MGAT4C: variants seen among roughly 807,000 people sequenced by gnomAD.
MGAT4C encodes the protein MGAT4 family member C, also known as alpha-1,3-mannosyl-glycoprotein 4-beta-N-acetylglucosaminyltransferase C.
A neutral mutation model predicts 40.1 loss-of-function variants in MGAT4C; 19 were observed. That is an observed-to-expected ratio of 0.47 (90% CI 0.33 to 0.70). The LOEUF (loss-of-function observed/expected upper bound fraction) is 0.70. MGAT4C is among the 30% of genes least tolerant of loss of function. The pLI, the probability that MGAT4C is intolerant of heterozygous loss-of-function variation, is 0.02. For synonymous variants in MGAT4C, 181 were observed against 187.1 expected (o/e 0.97, Z 0.27); for missense variants, 491 against 563.2 (o/e 0.87, Z 1.30).
intron 1 of MGAT4C, among the ~76,000 whole-genome samples, chr12:86,113,983 C>T (rs1877910448): frequency 6.6e-6 from 1 of 151,872 alleles, no homozygotes; most frequent in Non-Finnish European, 1.5e-5. Flanking sequence ...CCAAAGCATG[C>T]TGTCACCTCT....
rs140843038 is a variant in MGAT4C at position 86,590,910 on chromosome 12, C to T, written c.-229+136299G>A. On this transcript the variant is annotated intron_variant, in intron 2 of 7. Transcript: ENST00000548651. ...CAAATGATTTATTCCTGAAATGCAT[C>T]AAGAAGGCCTATTTTCAGCACTTGG... 4.6e-3 allele frequency among the ~76,000 whole-genome samples: 705 copies of T among 152,010 alleles called. 3 individuals carry two copies. The highest frequency in any genetic ancestry group is 8.0e-3 in the Non-Finnish European group (542 of 67,918).
intron 4 of MGAT4C, among the ~76,000 whole-genome samples, chr12:86,304,849 C>T (rs1300409597): frequency 6.6e-6 from 1 of 150,484 alleles, no homozygotes; most frequent in Non-Finnish European, 1.5e-5. Context: ...ATGATATTAC[C>T]AAATGGCAGC....
At chr12:86,581,044 T>C (rs1258437050) in intron 2 of MGAT4C, among the ~76,000 whole-genome samples, 4 of 151,286 alleles carry the variant, frequency 2.6e-5, no homozygotes, top group East Asian at 1.9e-4. Flanking sequence ...TTTTCAGAGG[T>C]TGGGTATCTA....
intron 2 of MGAT4C, among the ~76,000 whole-genome samples, chr12:86,591,674 C>T (rs753507249): frequency 2.6e-5 from 4 of 151,510 alleles, no homozygotes; most frequent in Non-Finnish European, 5.9e-5. Flanking sequence ...AATATTTATA[C>T]CTTTAGTTCA....
intron 2 of MGAT4C, among the ~76,000 whole-genome samples, chr12:86,603,028 G>A (rs754986004): frequency 2.6e-5 from 4 of 151,418 alleles, no homozygotes; most frequent in Admixed American, 6.6e-5. Context: ...ACAAAATATG[G>A]CACAATGTCA....
At chr12:85,988,543 C>T (rs1885510664) in intron 3 of MGAT4C, among the ~76,000 whole-genome samples, 1 of 151,750 alleles carries the variant, frequency 6.6e-6, no homozygotes. Context: ...AAACTGTAAT[C>T]AGGTTTTGAT....
intron 4 of MGAT4C, among the ~76,000 whole-genome samples, chr12:86,306,920 A>T (rs1953947000): frequency 6.6e-6 from 1 of 150,730 alleles, no homozygotes; most frequent in Admixed American, 6.6e-5. Flanking sequence ...GTATAAGGGT[A>T]TTATGAAATT....
rs541786064 is a variant in MGAT4C, at chr12:86,793,586, A to G, written c.-262+45080T>C. Among the ~76,000 whole-genome samples, 63 of 152,224 alleles carry G rather than the reference A, an allele frequency of 4.1e-4. No individual in the cohort carries two copies. In the South Asian group the frequency reaches 0.012, roughly 29 times the overall value. On this transcript the variant is annotated intron_variant, in intron 1 of 7. Coordinates refer to the MGAT4C transcript ENST00000548651. ...ATAAAATAGAGTTACAATTACACAC[A>G]TATACTCTCACGCTCATTTGTTTCC...
At chr12:86,524,225 A>G (rs1958842404) in intron 2 of MGAT4C, among the ~76,000 whole-genome samples, 1 of 152,106 alleles carries the variant, frequency 6.6e-6, no homozygotes. Context: ...AGTGGCTGAT[A>G]ATGTTCTTTC....
chr12:86,514,101 CACACACACA>C lies in MGAT4C; in HGVS notation c.-228-78845_-228-78837del, dbSNP rs1381714021. 3.0e-3 allele frequency among the ~76,000 whole-genome samples: 448 copies of C among 150,672 alleles called. 1 individual carries two copies. The highest frequency in any genetic ancestry group is 6.8e-3 in the Middle Eastern group (2 of 294). ...ACACACACACACACACACACACACA[CACACACACA>C]ACCCCGGCTTAGTAGAGATTTGGAG... On this transcript the variant is annotated intron_variant, in intron 2 of 7. Transcript: ENST00000548651.
intron 3 of MGAT4C, among the ~76,000 whole-genome samples, chr12:86,353,310 C>A (rs1298710517): frequency 6.6e-6 from 1 of 152,012 alleles, no homozygotes; most frequent in Non-Finnish European, 1.5e-5. Context: ...AAAATTAAAA[C>A]CCTGGGTATA....
chr12:86,509,209 C>A lies in MGAT4C; in HGVS notation c.-228-73944G>T, dbSNP rs188643079. On this transcript the variant is annotated intron_variant, in intron 2 of 7. Transcript: ENST00000548651. ...ATGGTTTGAGGTCTAACGTTTAAGTCTTTAATCCATCTTGAATTGATTTTT... is the reference window on the plus strand; with the variant it reads ...ATGGTTTGAGGTCTAACGTTTAAGTATTTAATCCATCTTGAATTGATTTTT... Among the ~76,000 whole-genome samples the A allele has an allele frequency of 5.3e-5, 8 of 152,244 alleles. No homozygotes were observed. The East Asian group carries it at 1.5e-3, about 29-fold the overall frequency.
intron 4 of MGAT4C, among the ~76,000 whole-genome samples, chr12:86,317,030 G>A (rs1326191838): frequency 2.0e-5 from 3 of 151,226 alleles, no homozygotes; most frequent in Non-Finnish European, 4.4e-5. Flanking sequence ...AGGGACAAAA[G>A]AAGGAAGGAA....
At chr12:86,795,614 GAA>G (rs1491432849) in intron 1 of MGAT4C, among the ~76,000 whole-genome samples, 9 of 149,438 alleles carry the variant, frequency 6.0e-5, no homozygotes, top group East Asian at 1.9e-4. Context: ...GAGAGAGAGA[GAA>G]AGAGAGAGAG....
At chr12:86,151,650 A>G (rs1261673944) in intron 1 of MGAT4C, among the ~76,000 whole-genome samples, 2 of 152,234 alleles carry the variant, frequency 1.3e-5, no homozygotes, top group South Asian at 2.1e-4. Flanking sequence ...TAAGTGAATG[A>G]ACACATCCAT....
At chr12:86,787,127 T>C (rs542394150) in intron 1 of MGAT4C, among the ~76,000 whole-genome samples, 161 of 152,212 alleles carry the variant, frequency 1.1e-3, no homozygotes, top group African/African-American at 3.6e-3. Flanking sequence ...ATTGCATACA[T>C]TATGTAATTT....
At chr12:86,705,207 G>T (rs76329723) in intron 2 of MGAT4C, among the ~76,000 whole-genome samples, 1 of 144,404 alleles carries the variant, frequency 6.9e-6, no homozygotes, top group South Asian at 2.2e-4. Flanking sequence ...CTATCTATCT[G>T]TCTATTATCT....
chr12:86,507,776 A>G (rs1958496752), intron 2 of MGAT4C, among the ~76,000 whole-genome samples: 1 of 152,192 alleles, frequency 6.6e-6, no homozygotes, highest in Non-Finnish European at 1.5e-5. Flanking sequence ...CAGCTAAATC[A>G]GTACTTCTTT....
chr12:86,063,008 C>T, intron 1 of MGAT4C, among the ~76,000 whole-genome samples: 1 of 151,966 alleles, frequency 6.6e-6, no homozygotes, highest in South Asian at 2.1e-4. Flanking sequence ...CACTCAAAAT[C>T]CAGAAAATAG....
Sources: gnomAD v4.1 joint callset for allele counts (sites outside exome capture counted in the v4.1 genomes callset) on GRCh38, gnomAD v4.1.1 for gene constraint, MANE v1.5 for transcripts, NCBI Gene and HGNC (gene_info 2026-07-23, HGNC 2026-07-21) for gene names.